Variants in EPHA5 observed in about 807,000 individuals in gnomAD.
The protein encoded by EPHA5 is EPH receptor A5, also known as ephrin type-A receptor 5.
A neutral mutation model predicts 105.0 loss-of-function variants in EPHA5; 60 were observed. The observed-to-expected ratio is 0.57, with a 90% CI of 0.46 to 0.71. The LOEUF (loss-of-function observed/expected upper bound fraction) is 0.71, where lower values mean the gene tolerates loss of function less well. Ranked by LOEUF, EPHA5 falls within the 30% of genes least tolerant of loss-of-function variation. The pLI is 0.00. For missense variants in EPHA5, 1,218 were observed against 1,274.7 expected (o/e 0.96, Z 0.68); for synonymous variants, 513 against 449.1 (o/e 1.14, Z -1.80).
At chr4:65,596,677 G>A (rs1039831222) in intron 3 of EPHA5, among the ~76,000 whole-genome samples, 2 of 68,420 alleles carry the variant, frequency 2.9e-5, no homozygotes, top group African/African-American at 8.0e-5. Context: ...CCTCACAAAA[G>A]CAGAACACAC....
chr4:65,435,045 A>C (rs936274417), intron 5 of EPHA5, among the ~76,000 whole-genome samples: 2 of 152,116 alleles, frequency 1.3e-5, no homozygotes, highest in African/African-American at 4.8e-5. Context: ...TATGGTACAC[A>C]TAAGGATAGG....
intron 1 of EPHA5, among the ~76,000 whole-genome samples, chr4:65,645,774 G>C (rs1293557984): frequency 1.3e-5 from 2 of 151,988 alleles, no homozygotes; most frequent in Non-Finnish European, 2.9e-5. Flanking sequence ...TAATCTTACA[G>C]TGATATGGTC....
chr4:65,503,189 T>C (rs1256450142), intron 3 of EPHA5, among the ~76,000 whole-genome samples: 1 of 151,780 alleles, frequency 6.6e-6, no homozygotes, highest in Non-Finnish European at 1.5e-5. Flanking sequence ...ACCTGAGTGA[T>C]GGGATCATGG....
intron 3 of EPHA5, among the ~76,000 whole-genome samples, chr4:65,538,464 C>T (rs910666737): frequency 2.6e-5 from 4 of 151,634 alleles, no homozygotes; most frequent in Non-Finnish European, 5.9e-5. Flanking sequence ...TAATTTATTC[C>T]AAAAGTCATC....
chr4:65,385,606 G>A (rs1398769188), intron 8 of EPHA5, among the ~76,000 whole-genome samples: 1 of 151,644 alleles, frequency 6.6e-6, no homozygotes, highest in African/African-American at 2.4e-5. Flanking sequence ...TATTATAATA[G>A]TTGCCATAAT....
chr4:65,484,081 G>A (rs1730644886), intron 5 of EPHA5, among the ~76,000 whole-genome samples: 1 of 152,140 alleles, frequency 6.6e-6, no homozygotes, highest in African/African-American at 2.4e-5. Flanking sequence ...CTCCACTAAA[G>A]AGAATCAACA....
chr4:65,404,029 A>T (rs1439404031), intron 8 of EPHA5, among the ~76,000 whole-genome samples: 1 of 152,146 alleles, frequency 6.6e-6, no homozygotes, highest in Non-Finnish European at 1.5e-5. Context: ...CCCAAATGCT[A>T]ATTAAACTTG....
chr4:65,424,101 T>C (rs535164094), intron 5 of EPHA5, among the ~76,000 whole-genome samples: 1 of 152,142 alleles, frequency 6.6e-6, no homozygotes, highest in Non-Finnish European at 1.5e-5. Flanking sequence ...AACTTAATTA[T>C]TCAGTTCCAG....
intron 7 of EPHA5, among the ~76,000 whole-genome samples, chr4:65,412,736 T>G (rs1723028842): frequency 6.6e-6 from 1 of 152,102 alleles, no homozygotes; most frequent in South Asian, 2.1e-4. Context: ...AAACAGGAAA[T>G]GATTAAGTAT....
chr4:65,471,139 G>A (rs980456169), intron 5 of EPHA5, among the ~76,000 whole-genome samples: 5 of 152,216 alleles, frequency 3.3e-5, no homozygotes, highest in East Asian at 1.9e-4. Flanking sequence ...GGGGCTGCCC[G>A]ATTTGCAAAT....
intron 3 of EPHA5, among the ~76,000 whole-genome samples, chr4:65,563,292 C>A (rs1047502062): frequency 1.1e-4 from 16 of 151,988 alleles, no homozygotes; most frequent in African/African-American, 3.9e-4. Flanking sequence ...AAACTGATCA[C>A]TTATTAGATA....
At chr4:65,437,324 A>G (rs4131790) in intron 5 of EPHA5, among the ~76,000 whole-genome samples, 2,637 of 152,080 alleles carry the variant, frequency 0.017, 68 homozygotes, top group African/African-American at 0.06. Context: ...TATTGTACTT[A>G]GTGGCTATTG....
chr4:65,632,594 G>C (rs573064127), intron 2 of EPHA5, among the ~76,000 whole-genome samples: 1 of 147,480 alleles, frequency 6.8e-6, no homozygotes, highest in African/African-American at 2.5e-5. Context: ...TCTTCCTAAA[G>C]ATTTAAATAC....
intron 12 of EPHA5, among the ~76,000 whole-genome samples, chr4:65,352,470 A>C (rs1722905067): frequency 6.6e-6 from 1 of 152,022 alleles, no homozygotes; most frequent in Admixed American, 6.6e-5. Context: ...CATTATTTAA[A>C]ATTTAGAGAT....
chr4:65,614,799 G>A (rs1432490486), intron 2 of EPHA5, among the ~76,000 whole-genome samples: 4 of 151,730 alleles, frequency 2.6e-5, no homozygotes, highest in Non-Finnish European at 5.9e-5. Flanking sequence ...AATATATGGT[G>A]CATTTAAAAG....
chr4:65,476,150 G>GTGT lies in EPHA5; in HGVS notation c.1402+14224_1402+14226dup, dbSNP rs1379192735. 2.8e-4 allele frequency among the ~76,000 whole-genome samples: 43 copies of GTGT among 151,906 alleles called. No homozygotes were observed. In the East Asian group the frequency reaches 7.4e-3, roughly 26 times the overall value. On this transcript the variant is annotated intron_variant, in intron 5 of 16. Coordinates refer to ENST00000613740, the MANE Select transcript of EPHA5 (RefSeq NM_001281766.3). ...AGAGTGTGTGTGTGTGTGTGTGTGT[G>GTGT]TGTGTGTGTTAAAATATGCAGATTA... is the stretch of plus-strand genomic sequence containing the variant.
chr4:65,645,386 C>G, intron 1 of EPHA5, among the ~76,000 whole-genome samples: 1 of 151,424 alleles, frequency 6.6e-6, no homozygotes, highest in East Asian at 1.9e-4. Flanking sequence ...AATCAGCAAA[C>G]TAAGGGTGCT....
At chr4:65,446,712 G>A (rs763277477) in intron 5 of EPHA5, among the ~76,000 whole-genome samples, 40 of 152,114 alleles carry the variant, frequency 2.6e-4, no homozygotes, top group Non-Finnish European at 5.1e-4. Flanking sequence ...TGGACATAAA[G>A]TACATTATAT....
intron 3 of EPHA5, among the ~76,000 whole-genome samples, chr4:65,497,639 A>G (rs999786693): frequency 1.3e-5 from 2 of 152,044 alleles, no homozygotes; most frequent in African/African-American, 2.4e-5. Flanking sequence ...GTCAATTCAT[A>G]TGTTCTAAGT....
Sources: allele counts gnomAD v4.1 joint callset (sites outside exome capture counted in the v4.1 genomes callset), GRCh38; gene constraint gnomAD v4.1.1; transcripts MANE v1.5; gene names NCBI Gene and HGNC (gene_info 2026-07-23, HGNC 2026-07-21).